Variants in PPARGC1A observed in about 807,000 individuals in gnomAD.
PPARGC1A encodes PPARG coactivator 1 alpha.
A neutral mutation model predicts 88.7 loss-of-function variants in PPARGC1A; 25 were observed. That is an observed-to-expected ratio of 0.28 (90% confidence interval 0.21 to 0.39). PPARGC1A has a LOEUF of 0.39. Ranked by LOEUF, PPARGC1A falls within the 10% of genes least tolerant of loss-of-function variation. The pLI, the probability that PPARGC1A is intolerant of heterozygous loss-of-function variation, is 1.00. For missense variants in PPARGC1A, 880 were observed against 968.7 expected, an observed-to-expected ratio of 0.91 and a Z score of 1.22; for synonymous variants, 363 against 355.6, an observed-to-expected ratio of 1.02 and a Z score of -0.24.
the PPARGC1A span, among the ~76,000 whole-genome samples, chr4:24,017,730 C>CT: frequency 6.6e-6 from 1 of 152,036 alleles, no homozygotes. Context: ...TGATGTTCAA[C>CT]TTTTGGGTGT....
chr4:23,955,096 G>A, the PPARGC1A span, among the ~76,000 whole-genome samples: 1 of 151,998 alleles, frequency 6.6e-6, no homozygotes, highest in Non-Finnish European at 1.5e-5. Flanking sequence ...TAACCAAAAT[G>A]TTTATCTACA....
chr4:24,307,450 C>T, the PPARGC1A span, among the ~76,000 whole-genome samples: 43 of 152,228 alleles, frequency 2.8e-4, no homozygotes, highest in Middle Eastern at 6.8e-3. Context: ...GTGAACTGCA[C>T]AATATCAAAG....
At chr4:24,326,710 A>T in the PPARGC1A span, among the ~76,000 whole-genome samples, 1 of 151,976 alleles carries the variant, frequency 6.6e-6, no homozygotes, top group Non-Finnish European at 1.5e-5. Flanking sequence ...CCAAACCTCA[A>T]TCCCTTACAA....
chr4:24,325,694 C>G, the PPARGC1A span, among the ~76,000 whole-genome samples: 11 of 152,334 alleles, frequency 7.2e-5, no homozygotes, highest in Admixed American at 3.3e-4. Flanking sequence ...GCCCGATCGC[C>G]TCGGAAGCCC....
chr4:24,050,753 C>T, the PPARGC1A span, among the ~76,000 whole-genome samples: 3 of 152,146 alleles, frequency 2.0e-5, no homozygotes, highest in African/African-American at 7.2e-5. Context: ...TCTATTTCTA[C>T]AAAATGCAGA....
the PPARGC1A span, among the ~76,000 whole-genome samples, chr4:24,072,974 G>C: frequency 6.6e-6 from 1 of 152,202 alleles, no homozygotes; most frequent in South Asian, 2.1e-4. Flanking sequence ...AGAGAAACTT[G>C]ATTCTTAATG....
At chr4:24,202,940 G>A in the PPARGC1A span, among the ~76,000 whole-genome samples, 58 of 152,240 alleles carry the variant, frequency 3.8e-4, no homozygotes, top group African/African-American at 1.3e-3. Flanking sequence ...CTTTAGAGAG[G>A]GCAGGTCACC....
At chr4:24,254,590 C>T in the PPARGC1A span, among the ~76,000 whole-genome samples, 1 of 152,200 alleles carries the variant, frequency 6.6e-6, no homozygotes, top group South Asian at 2.1e-4. Flanking sequence ...TGTCTAAATA[C>T]AACCAACTAA....
At chr4:24,139,193 G>A in the PPARGC1A span, among the ~76,000 whole-genome samples, 1 of 151,732 alleles carries the variant, frequency 6.6e-6, no homozygotes, top group African/African-American at 2.4e-5. Flanking sequence ...GAGTGCAGTG[G>A]TGCGATCTCA....
At chr4:24,406,337 G>A in the PPARGC1A span, among the ~76,000 whole-genome samples, 2 of 152,290 alleles carry the variant, frequency 1.3e-5, no homozygotes, top group African/African-American at 4.8e-5. Context: ...CATTGGACAT[G>A]GAATTTTCCT....
the PPARGC1A span, among the ~76,000 whole-genome samples, chr4:24,437,683 T>C: frequency 6.6e-6 from 1 of 152,034 alleles, no homozygotes; most frequent in Non-Finnish European, 1.5e-5. Flanking sequence ...TTTTTTTTCT[T>C]TTCGAGATGG....
At chr4:24,354,973 C>A in the PPARGC1A span, among the ~76,000 whole-genome samples, 6 of 152,078 alleles carry the variant, frequency 3.9e-5, no homozygotes, top group African/African-American at 1.4e-4. Flanking sequence ...TTCTTTTTGC[C>A]AATTCAGCTT....
At chr4:23,805,812 A>G (rs765990697) in intron 10 of PPARGC1A, among the ~76,000 whole-genome samples, 4 of 152,150 alleles carry the variant, frequency 2.6e-5, no homozygotes, top group Non-Finnish European at 4.4e-5. Context: ...AGAGAAAGAA[A>G]TTGAGACATT....
chr4:24,427,543 G>T, the PPARGC1A span, among the ~76,000 whole-genome samples: 1 of 152,088 alleles, frequency 6.6e-6, no homozygotes, highest in African/African-American at 2.4e-5. Flanking sequence ...TATCCAGTTT[G>T]TTTTTTCAGG....
the PPARGC1A span, among the ~76,000 whole-genome samples, chr4:24,323,569 C>T: frequency 3.9e-5 from 6 of 152,266 alleles, no homozygotes; most frequent in South Asian, 1.0e-3. Flanking sequence ...TTTCCATTAC[C>T]TTCCCAAATC....
At chr4:24,350,097 G>A in the PPARGC1A span, among the ~76,000 whole-genome samples, 1 of 152,242 alleles carries the variant, frequency 6.6e-6, no homozygotes, top group Non-Finnish European at 1.5e-5. Flanking sequence ...GTGTGTTCGG[G>A]AGAGGAGGGT....
At chr4:24,244,669 T>G in the PPARGC1A span, among the ~76,000 whole-genome samples, 2 of 152,164 alleles carry the variant, frequency 1.3e-5, no homozygotes, top group Non-Finnish European at 1.5e-5. Context: ...CAGAGCACAT[T>G]TGAGAATGTC....
At chr4:24,062,254 C>T in the PPARGC1A span, among the ~76,000 whole-genome samples, 1 of 152,194 alleles carries the variant, frequency 6.6e-6, no homozygotes, top group Admixed American at 6.5e-5. Flanking sequence ...GTAATACCTG[C>T]AGGATTCGGC....
At chr4:23,928,361 G>T in the PPARGC1A span, among the ~76,000 whole-genome samples, 1 of 152,108 alleles carries the variant, frequency 6.6e-6, no homozygotes, top group Non-Finnish European at 1.5e-5. Flanking sequence ...AACAAGAATT[G>T]CTATGAATAA....
Sources: allele counts gnomAD v4.1 joint callset (sites outside exome capture counted in the v4.1 genomes callset), GRCh38; gene constraint gnomAD v4.1.1; transcripts MANE v1.5; gene names NCBI Gene and HGNC (gene_info 2026-07-23, HGNC 2026-07-21).